The following WDR53 variants were observed in gnomAD, a reference collection of about 807,000 sequenced individuals.
WDR53 encodes the protein WD repeat-containing protein 53.
A neutral mutation model predicts 21.3 loss-of-function variants in WDR53; 19 were observed. The observed-to-expected ratio is 0.89, with a 90% confidence interval of 0.62 to 1.31. The LOEUF (loss-of-function observed/expected upper bound fraction) is 1.31. Ranked by LOEUF, WDR53 falls within the 50% of genes most tolerant of loss-of-function variation. WDR53 has a pLI of 0.00. For missense variants in WDR53, 374 were observed against 423.2 expected (o/e 0.88, Z 1.02); for synonymous variants, 157 against 163.4 (o/e 0.96, Z 0.30).
rs1560298522 is a variant in WDR53 at position 196,554,460 on chromosome 3, T to C, written c.828A>G (p.Lys276=). Residue 276 remains lysine (K), a synonymous_variant, in exon 4 of 4, where the codon AAA becomes AAG. Transcript: ENST00000332629. ...TLWDANSEVE[K]KQKSPTKRTH... is the part of the protein sequence containing the mutation. The stretch of plus-strand genomic sequence containing the variant: ...TACGTTTTGTGGGACTCTTCTGTTT[T>C]TTCTCAACTTCACTGTTTGCATCCC... 2 of 1,614,178 alleles carry C rather than the reference T, an allele frequency of 1.2e-6. No homozygotes were observed. Among genetic ancestry groups the C allele is most frequent in the South Asian group, 2.2e-5 (2 of 91,084 alleles).
At position 196,562,523 on chromosome 3, in the gene WDR53, A is replaced by T. The variant is rs1035996987; in HGVS notation, c.-16-1032T>A. On this transcript the variant is annotated intron_variant, in intron 2 of 3. Transcript: ENST00000332629. ...GTGATCCACCCACCTTGGCCTCCCA[A>T]AGTGCTGGGATTATAAGCGTGAGCC... Among the ~76,000 whole-genome samples the T allele has an allele frequency of 1.9e-4, 29 of 152,190 alleles. No homozygotes were observed. In the East Asian group the frequency reaches 3.7e-3, roughly 19 times the overall value.
intron 1 of WDR53, among the ~76,000 whole-genome samples, 173 bp from the exon 2 acceptor site, chr3:196,567,480 A>G (rs773645170): frequency 6.6e-6 from 1 of 152,220 alleles, no homozygotes; most frequent in Non-Finnish European, 1.5e-5. Context: ...GAAGCTTCAG[A>G]AAAGATTTCT....
Position 196,561,353 on chromosome 3 carries a change from AG to A in WDR53, c.122del (p.Thr41IlefsTer3). On this transcript the variant is annotated frameshift_variant, in exon 3 of 4. Transcript: ENST00000332629. LOFTEE classifies it high-confidence loss of function. ...GDLTAWGEDG[T>X]PLGHTRFQGA... ...CTTGGAACCGCGTGTGTCCTAATGG[AG>A]TTCCATCTTCACCCCAAGCCGTGAG... The A allele has an allele frequency of 6.2e-7, 1 of 1,614,092 alleles. No homozygotes were observed. Among genetic ancestry groups the A allele is most frequent in the South Asian group, 1.1e-5 (1 of 91,068 alleles).
chr3:196,555,709 C>G (rs1008600214), intron 3 of WDR53, among the ~76,000 whole-genome samples: 4 of 152,162 alleles, frequency 2.6e-5, no homozygotes, highest in South Asian at 2.1e-4. Context: ...TTAACAGACA[C>G]TGGAAGAAGC....
intron 3 of WDR53, among the ~76,000 whole-genome samples, chr3:196,558,132 A>C (rs1734506870): frequency 6.6e-6 from 1 of 152,100 alleles, no homozygotes; most frequent in Non-Finnish European, 1.5e-5. Flanking sequence ...CTATTAAATA[A>C]AAAATTAAGC....
In WDR53 at chr3:196,554,638, T is replaced by C; in HGVS notation, c.650A>G (p.Glu217Gly). The C allele has an allele frequency of 6.2e-7, 1 of 1,614,130 alleles. No homozygotes were observed. The highest frequency in any genetic ancestry group is 2.2e-5 in the East Asian group (1 of 44,878). Residue 217 changes from glutamate to glycine, a missense_variant, in exon 4 of 4, where the codon GAA becomes GGA. Glu to Gly is a moderately conservative substitution (Grantham distance 98). Transcript: ENST00000332629. The part of the protein sequence containing the change: ...SCGNIFSCGA[E>G]DGKVRIFRVM... ...CCGAAAGATTCGAACCTTACCATCT[T>C]CTGCACCACAACTAAAAATATTACC...
intron 3 of WDR53, among the ~76,000 whole-genome samples, chr3:196,560,776 T>C (rs974040809): frequency 3.3e-5 from 5 of 152,168 alleles, no homozygotes; most frequent in African/African-American, 1.2e-4. Context: ...TATCTTACAG[T>C]ATAGAGAAAG....
intron 2 of WDR53, among the ~76,000 whole-genome samples, chr3:196,563,385 G>A (rs1735059222): frequency 6.6e-6 from 1 of 152,144 alleles, no homozygotes; most frequent in African/African-American, 2.4e-5. Flanking sequence ...ACAAAAGGAA[G>A]CAAATAAATC....
Position 196,561,077 on chromosome 3 carries a change from C to T in WDR53, c.399G>A (p.Lys133=), listed in dbSNP as rs748614317. ...LENKKVIRSL[K]RHSNICSSVA... ...CTGAGGAGCAGATATTGGAATGTCT[C>T]TTCAAGGATCTGATAACTTTCTTGT... Residue 133 remains lysine, a synonymous_variant, in exon 3 of 4, where the codon AAG becomes AAA. Transcript: ENST00000332629. The T allele has an allele frequency of 6.2e-7, 1 of 1,614,226 alleles. No homozygotes were observed. Among genetic ancestry groups the T allele is most frequent in the Non-Finnish European group, 8.5e-7 (1 of 1,180,038 alleles).
At chr3:196,556,680 C>T (rs1372537252) in intron 3 of WDR53, among the ~76,000 whole-genome samples, 1 of 150,288 alleles carries the variant, frequency 6.7e-6, no homozygotes, top group African/African-American at 2.5e-5. Flanking sequence ...AGAAAATACA[C>T]ACACACACAC....
chr3:196,565,162 T>G (rs1270891256), intron 2 of WDR53, among the ~76,000 whole-genome samples: 1 of 151,210 alleles, frequency 6.6e-6, no homozygotes, highest in Non-Finnish European at 1.5e-5. Flanking sequence ...TTTCATCTTA[T>G]TAAACTCTAC....
intron 3 of WDR53, 113 bp from the exon 4 acceptor site, chr3:196,554,920 G>C: frequency 3.6e-6 from 3 of 825,778 alleles, no homozygotes; most frequent in Non-Finnish European, 5.9e-6. Flanking sequence ...ATGAGCAGTA[G>C]TGCACGTTCT....
In WDR53 at chr3:196,554,418, A is replaced by C. The variant is rs778093635; in HGVS notation, c.870T>G (p.Pro290=). 17 of 1,613,952 alleles carry C rather than the reference A, an allele frequency of 1.1e-5. 1 individual carries two copies. In the Admixed American group the frequency reaches 2.8e-4, roughly 27 times the overall value. Residue 290 remains proline, a synonymous_variant, in exon 4 of 4, where the codon CCT becomes CCG. Coordinates refer to ENST00000332629, the MANE Select transcript of WDR53 (RefSeq NM_182627.3). ...SPTKRTHRKK[P]KRGTCTKQGG... ...CCTGCTTGGTGCAAGTTCCTCTTTT[A>C]GGTTTCTTCCTGTGGGTACGTTTTG... is the stretch of plus-strand genomic sequence containing the variant.
At chr3:196,566,072 G>A (rs937700851) in intron 2 of WDR53, among the ~76,000 whole-genome samples, 4 of 152,090 alleles carry the variant, frequency 2.6e-5, no homozygotes, top group Admixed American at 6.5e-5. Flanking sequence ...CAGAGTGGGT[G>A]AGGGAAAGGT....
At position 196,561,556 on chromosome 3, in the gene WDR53, A is replaced by G. The variant is rs1734876674; in HGVS notation, c.-16-65T>C. On this transcript the variant is annotated intron_variant, in intron 2 of 3. Transcript: ENST00000332629. ...ACATCGACTTGATGGGAGGAGACAG[A>G]TGTAATAAACAATATTTCATCTTTT... 3 of 1,442,698 alleles carry G rather than the reference A, an allele frequency of 2.1e-6. No homozygotes were observed. In the South Asian group the frequency reaches 4.4e-5, roughly 21 times the overall value. The allele number at this position is 1,442,698 out of a possible 1,614,324, so 89.4% of individuals were successfully genotyped here.
At chr3:196,559,072 C>G (rs1734587826) in intron 3 of WDR53, among the ~76,000 whole-genome samples, 1 of 152,228 alleles carries the variant, frequency 6.6e-6, no homozygotes, top group Non-Finnish European at 1.5e-5. Context: ...GTACACATCA[C>G]TTTTGCGTAC....
chr3:196,561,131 A>G lies in WDR53; in HGVS notation c.345T>C (p.Ser115=), dbSNP rs58125701. The G allele has an allele frequency of 2.1e-4, 332 of 1,614,202 alleles. 1 individual carries two copies. In the African/African-American group the frequency reaches 3.9e-3, roughly 19 times the overall value. The part of the protein sequence containing the change: ...TENLLASADD[S]GAIKILDLEN... Reference sequence around the variant, plus strand: ...CCAAGTCTAGGATTTTGATTGCCCCAGAGTCGTCAGCAGAAGCCAGCAGGT... The same window carrying G: ...CCAAGTCTAGGATTTTGATTGCCCCGGAGTCGTCAGCAGAAGCCAGCAGGT... The change falls in exon 3 of 4, where the codon TCT becomes TCC. Residue 115 remains serine, a synonymous_variant. Transcript: ENST00000332629.
intron 3 of WDR53, among the ~76,000 whole-genome samples, chr3:196,560,443 C>T (rs1357797753): frequency 2.0e-5 from 3 of 151,976 alleles, no homozygotes; most frequent in Non-Finnish European, 2.9e-5. Context: ...GGTTTCACCA[C>T]GTTGGCCAGG....
intron 2 of WDR53, among the ~76,000 whole-genome samples, chr3:196,564,396 T>TTC (rs749929530): frequency 0.085 from 4,329 of 50,740 alleles, 314 homozygotes; most frequent in African/African-American, 0.23. Flanking sequence ...TTCTTTTTTC[T>TTC]TTTTTTTTTT....
Sources: allele counts gnomAD v4.1 joint callset (sites outside exome capture counted in the v4.1 genomes callset), GRCh38; gene constraint gnomAD v4.1.1; transcripts MANE v1.5; gene names NCBI Gene and HGNC (gene_info 2026-07-23, HGNC 2026-07-21).